ME1: variants seen among roughly 807,000 people sequenced by gnomAD.
ME1 encodes malic enzyme 1, also known as NADP-dependent malic enzyme.
Under a neutral mutation model 66.4 loss-of-function variants are expected in ME1, and 74 were observed. That is an observed-to-expected ratio of 1.11 (90% confidence interval 0.92 to 1.35). ME1 has a LOEUF of 1.35. Ranked by LOEUF, ME1 falls within the 40% of genes most tolerant of loss-of-function variation. ME1 has a pLI of 0.00. For missense variants in ME1, 750 were observed against 694.1 expected, an observed-to-expected ratio of 1.08 and a Z score of -0.90; for synonymous variants, 251 against 235.6, an observed-to-expected ratio of 1.07 and a Z score of -0.60.
chr6:83,421,626 C>G lies in ME1; in HGVS notation c.78+9251G>C, dbSNP rs550776805. Among the ~76,000 whole-genome samples, 3 of 152,234 alleles carry G rather than the reference C, an allele frequency of 2.0e-5. No individual in the cohort carries two copies. The South Asian group carries it at 6.2e-4, about 32-fold the overall frequency. On this transcript the variant is annotated intron_variant, in intron 1 of 13. Transcript: ENST00000369705. ...TTTTTTTTCTCTCTGCTGTAATCAACTGGCCTTGACTCAAAAGCAGCAGAA... is the reference window on the plus strand; with the variant it reads ...TTTTTTTTCTCTCTGCTGTAATCAAGTGGCCTTGACTCAAAAGCAGCAGAA...
At chr6:83,362,026 G>C (rs1410493406) in intron 3 of ME1, among the ~76,000 whole-genome samples, 1 of 152,180 alleles carries the variant, frequency 6.6e-6, no homozygotes, top group African/African-American at 2.4e-5. Context: ...GTTCACAGAT[G>C]GTTCTGCACA....
intron 6 of ME1, among the ~76,000 whole-genome samples, chr6:83,311,320 C>G (rs771374520): frequency 2.0e-5 from 3 of 152,074 alleles, no homozygotes; most frequent in Admixed American, 6.6e-5. Flanking sequence ...AGGGCTGGAA[C>G]CTAGGAAAAG....
At chr6:83,349,755 T>C (rs879488038) in intron 4 of ME1, among the ~76,000 whole-genome samples, 6 of 152,220 alleles carry the variant, frequency 3.9e-5, no homozygotes, top group Non-Finnish European at 7.3e-5. Flanking sequence ...CTAAATCTCT[T>C]TCTGAATTTC....
intron 6 of ME1, among the ~76,000 whole-genome samples, chr6:83,257,548 TG>T (rs1019163842): frequency 3.0e-4 from 46 of 152,228 alleles, no homozygotes; most frequent in Non-Finnish European, 5.6e-4. Flanking sequence ...TAAAATGGGA[TG>T]GGGGGTCAAT....
chr6:83,245,548 G>A (rs949603128), intron 7 of ME1, among the ~76,000 whole-genome samples: 1 of 152,044 alleles, frequency 6.6e-6, no homozygotes, highest in Admixed American at 6.6e-5. Flanking sequence ...TAGGATTACA[G>A]GCATGCACCA....
chr6:83,286,048 T>A (rs1174629966), intron 6 of ME1, among the ~76,000 whole-genome samples: 1 of 152,162 alleles, frequency 6.6e-6, no homozygotes, highest in Non-Finnish European at 1.5e-5. Context: ...AGAGATGCCA[T>A]CCTGTTTGCA....
chr6:83,327,199 A>G (rs1292389951), intron 5 of ME1, among the ~76,000 whole-genome samples: 3 of 152,172 alleles, frequency 2.0e-5, no homozygotes, highest in Non-Finnish European at 4.4e-5. Context: ...AATTGCGTTA[A>G]CTGCACAAAT....
At chr6:83,426,622 T>C (rs1177244083) in intron 1 of ME1, among the ~76,000 whole-genome samples, 1 of 152,230 alleles carries the variant, frequency 6.6e-6, no homozygotes, top group East Asian at 1.9e-4. Context: ...TTCTCTCTCT[T>C]TCTTACAACA....
chr6:83,311,044 G>C (rs1767921186), intron 6 of ME1, among the ~76,000 whole-genome samples: 1 of 152,126 alleles, frequency 6.6e-6, no homozygotes, highest in Non-Finnish European at 1.5e-5. Flanking sequence ...ATCTCACAAA[G>C]TGGCCTTCCC....
In ME1 at chr6:83,388,386, C is replaced by A. The variant is rs142734764; in HGVS notation, c.362+9981G>T. ...CAGGCATGCACCACCACATCTGGCC[C>A]CCCAAATGAACTTTCTATCTCTCTC... On this transcript the variant is annotated intron_variant, in intron 3 of 13. Coordinates refer to ENST00000369705, the MANE Select transcript of ME1 (RefSeq NM_002395.6). 2.9e-3 allele frequency among the ~76,000 whole-genome samples: 438 copies of A among 152,138 alleles called. 1 individual carries two copies. Among genetic ancestry groups the A allele is most frequent in the African/African-American group, 9.6e-3 (400 of 41,538 alleles).
At chr6:83,275,053 G>C (rs982229431) in intron 6 of ME1, among the ~76,000 whole-genome samples, 1 of 152,152 alleles carries the variant, frequency 6.6e-6, no homozygotes, top group Admixed American at 6.5e-5. Context: ...ACAAAAACAG[G>C]CTGGGCTCAG....
intron 9 of ME1, among the ~76,000 whole-genome samples, chr6:83,233,755 G>A (rs1790344995): frequency 1.3e-5 from 2 of 151,398 alleles, no homozygotes; most frequent in African/African-American, 4.8e-5. Context: ...TTGGTTCTCA[G>A]GAGATATAAA....
At chr6:83,298,276 C>A (rs1158228892) in intron 6 of ME1, among the ~76,000 whole-genome samples, 7 of 152,132 alleles carry the variant, frequency 4.6e-5, no homozygotes, top group Admixed American at 1.3e-4. Flanking sequence ...GAGATGGTAT[C>A]TCATTGTGGT....
At chr6:83,416,168 T>C (rs1388339110) in intron 1 of ME1, among the ~76,000 whole-genome samples, 2 of 152,204 alleles carry the variant, frequency 1.3e-5, no homozygotes, top group African/African-American at 4.8e-5. Flanking sequence ...ATCAACTATT[T>C]ACTGAACACA....
At chr6:83,382,435 T>C (rs1028410301) in intron 3 of ME1, among the ~76,000 whole-genome samples, 2 of 152,092 alleles carry the variant, frequency 1.3e-5, no homozygotes, top group African/African-American at 2.4e-5. Flanking sequence ...AAGAATTGAA[T>C]GGTCAATAAT....
At chr6:83,237,516 T>C (rs756546384) in intron 9 of ME1, among the ~76,000 whole-genome samples, 24 of 152,168 alleles carry the variant, frequency 1.6e-4, no homozygotes, top group African/African-American at 3.4e-4. Flanking sequence ...CCGACTCACA[T>C]TGCAGATGGA....
chr6:83,410,662 A>G (rs550427627), intron 1 of ME1, among the ~76,000 whole-genome samples: 5 of 152,200 alleles, frequency 3.3e-5, no homozygotes, highest in Non-Finnish European at 7.3e-5. Flanking sequence ...GAAGCAGTAA[A>G]CTTCTGAGTG....
intron 3 of ME1, among the ~76,000 whole-genome samples, chr6:83,383,835 C>T (rs1241114055): frequency 6.6e-6 from 1 of 151,694 alleles, no homozygotes; most frequent in Non-Finnish European, 1.5e-5. Flanking sequence ...AATTTGATAT[C>T]CTTAAGGATT....
At chr6:83,265,105 C>G (rs1026336076) in intron 6 of ME1, among the ~76,000 whole-genome samples, 1 of 152,132 alleles carries the variant, frequency 6.6e-6, no homozygotes, top group African/African-American at 2.4e-5. Flanking sequence ...TGTAATCAGT[C>G]AGCAGCTATC....
Sources: allele counts gnomAD v4.1 joint callset (sites outside exome capture counted in the v4.1 genomes callset), GRCh38; gene constraint gnomAD v4.1.1; transcripts MANE v1.5; gene names NCBI Gene and HGNC (gene_info 2026-07-23, HGNC 2026-07-21).